Variants in HS3ST2 observed in about 807,000 individuals in gnomAD.
HS3ST2 encodes heparan sulfate-glucosamine 3-sulfotransferase 2.
In HS3ST2, 17 loss-of-function variants were observed where a neutral mutation model predicts 26.3. The observed-to-expected ratio is 0.65, with a 90% confidence interval of 0.44 to 0.97. The LOEUF (loss-of-function observed/expected upper bound fraction) is 0.97, where lower values mean the gene tolerates loss of function less well. HS3ST2 is among the 50% of genes least tolerant of loss of function. The probability of loss-of-function intolerance (pLI) is 0.00; values close to 1 mark genes in which losing one functional copy is unlikely to be tolerated. For synonymous variants in HS3ST2, 237 were observed against 219.2 expected (o/e 1.08, Z -0.72); for missense variants, 402 against 501.2 (o/e 0.80, Z 1.89).
intron 1 of HS3ST2, among the ~76,000 whole-genome samples, chr16:22,830,209 G>A (rs766518003): frequency 3.9e-5 from 6 of 152,128 alleles, no homozygotes; most frequent in South Asian, 2.1e-4. Context: ...TCCCAATGAC[G>A]TATTCAGAAC....
chr16:22,833,407 C>G, intron 1 of HS3ST2: 2 of 439,106 alleles, frequency 4.6e-6, no homozygotes, highest in Non-Finnish European at 9.2e-6. Flanking sequence ...GAAGCAGCAG[C>G]AATGACCCAG....
At chr16:22,890,777 G>A (rs1902116533) in intron 1 of HS3ST2, among the ~76,000 whole-genome samples, 1 of 152,236 alleles carries the variant, frequency 6.6e-6, no homozygotes, top group African/African-American at 2.4e-5. Flanking sequence ...TCCAGAGTCT[G>A]TAGGTTTAAC....
chr16:22,884,523 T>C (rs1047991709), intron 1 of HS3ST2, among the ~76,000 whole-genome samples: 4 of 152,106 alleles, frequency 2.6e-5, no homozygotes, highest in African/African-American at 9.7e-5. Context: ...AGCTTCACAT[T>C]CTGTCTTCTT....
intron 1 of HS3ST2, among the ~76,000 whole-genome samples, chr16:22,888,585 T>C (rs897544967): frequency 6.6e-6 from 1 of 151,916 alleles, no homozygotes; most frequent in African/African-American, 2.4e-5. Context: ...ACAGGTTTCA[T>C]GATGTTAGCC....
In HS3ST2 at chr16:22,898,996, A is replaced by G. The variant is rs1243378395; in HGVS notation, c.486-15948A>G. Reference sequence around the variant, plus strand: ...CACTGCAATTGGATCACCTCCAACTACCCACTAGGGGGCGCTGCTATGCTG... The same window carrying G: ...CACTGCAATTGGATCACCTCCAACTGCCCACTAGGGGGCGCTGCTATGCTG... On this transcript the variant is annotated intron_variant, in intron 1 of 1. Coordinates refer to ENST00000261374, the MANE Select transcript of HS3ST2 (RefSeq NM_006043.2). Among the ~76,000 whole-genome samples, 2 of 152,172 alleles carry G rather than the reference A, an allele frequency of 1.3e-5. 1 individual carries two copies. Among genetic ancestry groups the G allele is most frequent in the Non-Finnish European group, 2.9e-5 (2 of 68,030 alleles).
chr16:22,814,828 G>A lies in HS3ST2; in HGVS notation c.218G>A (p.Cys73Tyr). 6.3e-7 allele frequency: 1 copy of A among 1,576,352 alleles called. No individual in the cohort carries two copies. Among genetic ancestry groups the A allele is most frequent in the Non-Finnish European group, 8.6e-7 (1 of 1,161,916 alleles). Residue 73 changes from cysteine (C) to tyrosine (Y), a missense_variant, in exon 1 of 2, where the codon TGT becomes TAT. By Grantham distance (194) the Cys-to-Tyr change is radical. This residue lies in a region of HS3ST2 where 165 missense variants were observed against 154.6 expected (regional missense o/e 1.07). Coordinates refer to ENST00000261374, the MANE Select transcript of HS3ST2 (RefSeq NM_006043.2). ...GQKLLQKSRP[C>Y]DPSGPTPSEP... ...AAACTTCTCCAGAAGTCCCGCCCCT[G>A]TGATCCCTCCGGGCCGACGCCCAGC...
intron 1 of HS3ST2, among the ~76,000 whole-genome samples, chr16:22,863,894 G>A (rs371114599): frequency 2.0e-5 from 3 of 152,168 alleles, no homozygotes; most frequent in Non-Finnish European, 4.4e-5. Context: ...GTTCCTTCCC[G>A]TGTTGAGTTT....
At chr16:22,852,155 G>A (rs1901527304) in intron 1 of HS3ST2, among the ~76,000 whole-genome samples, 7 of 152,088 alleles carry the variant, frequency 4.6e-5, no homozygotes, top group Admixed American at 4.6e-4. Context: ...GTGGATAGAG[G>A]TTACTTCTAA....
In HS3ST2 at chr16:22,910,394, C is replaced by A. The variant is rs1239175740; in HGVS notation, c.486-4550C>A. On this transcript the variant is annotated intron_variant, in intron 1 of 1. Coordinates refer to ENST00000261374, the MANE Select transcript of HS3ST2 (RefSeq NM_006043.2). ...AGTCTTTAAACACAGTTTAAATGCG[C>A]TGTTACACTTATGTAATTTCATCTA... is the stretch of plus-strand genomic sequence containing the variant. Among the ~76,000 whole-genome samples, 3 of 152,186 alleles carry A rather than the reference C, an allele frequency of 2.0e-5. No individual in the cohort carries two copies. The East Asian group carries it at 5.8e-4, about 29-fold the overall frequency.
intron 1 of HS3ST2, among the ~76,000 whole-genome samples, chr16:22,911,864 G>A (rs527369188): frequency 5.2e-4 from 79 of 152,254 alleles, no homozygotes; most frequent in Non-Finnish European, 1.0e-3. Flanking sequence ...TGGCTACACC[G>A]TAATCCCAGC....
chr16:22,897,573 G>A (rs1211334310), intron 1 of HS3ST2, among the ~76,000 whole-genome samples: 1 of 152,208 alleles, frequency 6.6e-6, no homozygotes, highest in African/African-American at 2.4e-5. Flanking sequence ...ATGTGTTTAA[G>A]CTTCATCCTA....
At chr16:22,841,634 T>TA (rs1901358192) in intron 1 of HS3ST2, among the ~76,000 whole-genome samples, 1 of 152,238 alleles carries the variant, frequency 6.6e-6, no homozygotes, top group Admixed American at 6.5e-5. Context: ...GTATTTTAAT[T>TA]ATACCGTGTT....
At chr16:22,912,189 C>T (rs1208484084) in intron 1 of HS3ST2, among the ~76,000 whole-genome samples, 2 of 152,140 alleles carry the variant, frequency 1.3e-5, no homozygotes, top group Admixed American at 1.3e-4. Flanking sequence ...TGGAAGGTCA[C>T]CATTCAAACC....
At position 22,915,007 on chromosome 16, in the gene HS3ST2, C is replaced by T. The variant is rs763586502; in HGVS notation, c.549C>T (p.Val183=). The T allele has an allele frequency of 1.2e-5, 19 of 1,614,044 alleles. No individual in the cohort carries two copies. Among genetic ancestry groups the T allele is most frequent in the Non-Finnish European group, 1.6e-5 (19 of 1,180,012 alleles). Residue 183 remains valine (V), a synonymous_variant, in exon 2 of 2, where the codon GTC becomes GTT. Coordinates refer to ENST00000261374, the MANE Select transcript of HS3ST2 (RefSeq NM_006043.2). ...TGGAGAAGACGCCCAGCTACTTTGT[C>T]ACTCAAGAGGCTCCTCGACGCATCT... ...ITLEKTPSYF[V]TQEAPRRIFN...
intron 1 of HS3ST2, among the ~76,000 whole-genome samples, chr16:22,842,951 T>C (rs1901379402): frequency 6.6e-6 from 1 of 152,232 alleles, no homozygotes; most frequent in African/African-American, 2.4e-5. Flanking sequence ...TTAGTGTTTC[T>C]GGTTTTGAAT....
In HS3ST2 at chr16:22,915,226, C is replaced by T; in HGVS notation, c.768C>T (p.His256=). The T allele has an allele frequency of 6.2e-7, 1 of 1,614,128 alleles. No homozygotes were observed. ...TCCGCATCGGCATGTACGTGCTGCA[C>T]CTGGAGAGCTGGCTGCAGTACTTCC... The part of the protein sequence containing the change: ...NAIRIGMYVL[H]LESWLQYFPL... The change falls in exon 2 of 2, where the codon CAC becomes CAT. Residue 256 remains histidine (H), a synonymous_variant. Coordinates refer to ENST00000261374, the MANE Select transcript of HS3ST2 (RefSeq NM_006043.2).
At position 22,814,871 on chromosome 16, in the gene HS3ST2, C is replaced by T; in HGVS notation, c.261C>T (p.Ser87=). 1 of 1,557,836 alleles carries T rather than the reference C, an allele frequency of 6.4e-7. No homozygotes were observed. The highest frequency in any genetic ancestry group is 2.4e-5 in the East Asian group (1 of 41,358). The change falls in exon 1 of 2, where the codon AGC becomes AGT. Residue 87 remains serine, a synonymous_variant. Coordinates refer to ENST00000261374, the MANE Select transcript of HS3ST2 (RefSeq NM_006043.2). ...CGCCCAGCGAGCCCAGCGCTCCCAG[C>T]GCGCCCGCCGCCGCCGTGCCCGCCC... is the stretch of plus-strand genomic sequence containing the variant. The part of the protein sequence containing the change: ...GPTPSEPSAP[S]APAAAVPAPR...
chr16:22,879,088 T>C (rs1400265401), intron 1 of HS3ST2, among the ~76,000 whole-genome samples: 1 of 152,152 alleles, frequency 6.6e-6, no homozygotes, highest in Non-Finnish European at 1.5e-5. Context: ...TGAGCACCCA[T>C]CTCCATAAAT....
rs895669093 is a variant in HS3ST2, at chr16:22,814,637, G to A, written c.27G>A (p.Ala9=). 9.0e-6 allele frequency: 14 copies of A among 1,553,516 alleles called. No homozygotes were observed. The African/African-American group carries it at 1.5e-4, about 17-fold the overall frequency. The part of the protein sequence containing the change: MAYRVLGR[A]GPPQPRRARR... The stretch of plus-strand genomic sequence containing the variant: ...TGGCCTATAGGGTCCTGGGCCGCGC[G>A]GGGCCACCTCAGCCGCGGAGGGCGC... Residue 9 remains alanine, a synonymous_variant, in exon 1 of 2, where the codon GCG becomes GCA. Coordinates refer to ENST00000261374, the MANE Select transcript of HS3ST2 (RefSeq NM_006043.2).
Sources: gnomAD v4.1 joint callset for allele counts (sites outside exome capture counted in the v4.1 genomes callset) on GRCh38, gnomAD v4.1.1 for gene constraint, gnomAD v4.1.1 regional missense constraint, MANE v1.5 for transcripts, NCBI Gene and HGNC (gene_info 2026-07-23, HGNC 2026-07-21) for gene names.